DRC9: variants seen among roughly 807,000 people sequenced by gnomAD.
DRC9 encodes the protein dynein regulatory complex protein 9.
At chr3:197,927,045 C>T in the DRC9 span, among the ~76,000 whole-genome samples, 1 of 152,194 alleles carries the variant, frequency 6.6e-6, no homozygotes. Flanking sequence ...CTTTGTATGA[C>T]TGTTTCTCAA....
At chr3:197,932,168 T>C in the DRC9 span, 179 of 1,610,786 alleles carry the variant, frequency 1.1e-4, 1 homozygote, top group African/African-American at 2.1e-3. Flanking sequence ...CTAACATGAC[T>C]CTGACCTGGC....
At chr3:197,929,436 G>A in the DRC9 span, among the ~76,000 whole-genome samples, 3 of 152,046 alleles carry the variant, frequency 2.0e-5, no homozygotes, top group African/African-American at 4.8e-5. The surrounding 1 kb of genome is among the most constrained non-coding windows in gnomAD (Gnocchi z 4.6). Flanking sequence ...AAATACAAAC[G>A]GACAGCCAAA....
chr3:197,933,382 A>C, the DRC9 span, among the ~76,000 whole-genome samples: 1 of 152,080 alleles, frequency 6.6e-6, no homozygotes, highest in Non-Finnish European at 1.5e-5. Flanking sequence ...CAGAGGTTAC[A>C]GTGAGCTGAG....
At chr3:197,920,486 G>T in the DRC9 span, among the ~76,000 whole-genome samples, 2 of 151,440 alleles carry the variant, frequency 1.3e-5, no homozygotes, top group Non-Finnish European at 2.9e-5. Context: ...CAGCAGTTTG[G>T]GAGACTGAGG....
the DRC9 span, among the ~76,000 whole-genome samples, chr3:197,936,286 A>G: frequency 6.6e-6 from 1 of 152,230 alleles, no homozygotes; most frequent in Non-Finnish European, 1.5e-5. Context: ...TGAGTACAGC[A>G]AGGAAAGCAT....
the DRC9 span, among the ~76,000 whole-genome samples, chr3:197,934,582 G>A: frequency 2.6e-5 from 4 of 152,092 alleles, no homozygotes; most frequent in Non-Finnish European, 4.4e-5. Flanking sequence ...TGACTTGCCC[G>A]TGGTCACATA....
At chr3:197,934,033 A>C in the DRC9 span, among the ~76,000 whole-genome samples, 1 of 148,894 alleles carries the variant, frequency 6.7e-6, no homozygotes, top group African/African-American at 2.5e-5. Flanking sequence ...AGAGGTTTTT[A>C]GTGTTGATTT....
the DRC9 span, chr3:197,943,664 G>T: frequency 1.0e-6 from 1 of 968,718 alleles, no homozygotes; most frequent in Non-Finnish European, 1.5e-6. Context: ...AAACAAAGAA[G>T]GAAAGAGAGA....
At chr3:197,906,270 T>C in the DRC9 span, 1 of 152,186 alleles carries the variant, frequency 6.6e-6, no homozygotes, top group Non-Finnish European at 1.5e-5. Flanking sequence ...CCACACGTTT[T>C]ACTGAGACCG....
chr3:197,913,341 C>CGTGCGTGCGTGCGTGT, the DRC9 span: 1 of 187,548 alleles, frequency 5.3e-6, no homozygotes, highest in African/African-American at 3.7e-5. Flanking sequence ...TGCGTGCGTG[C>CGTGCGTGCGTGCGTGT]GTGCGTGTGT....
At chr3:197,889,540 ACCT>A in the DRC9 span, 1 of 1,613,030 alleles carries the variant, frequency 6.2e-7, no homozygotes, top group Non-Finnish European at 8.5e-7. Context: ...AGTCCTTCCC[ACCT>A]CCAGAATACC....
the DRC9 span, among the ~76,000 whole-genome samples, chr3:197,911,359 T>C: frequency 6.6e-6 from 1 of 152,174 alleles, no homozygotes; most frequent in African/African-American, 2.4e-5. Flanking sequence ...AAAAATCTCA[T>C]GACTGAGATT....
At chr3:197,949,810 G>T in the DRC9 span, 2 of 369,902 alleles carry the variant, frequency 5.4e-6, no homozygotes, top group East Asian at 7.9e-5. Context: ...CGAGAGAAAA[G>T]CACCCCACTG....
At chr3:197,942,385 CAAAAAAAAAA>C in the DRC9 span, among the ~76,000 whole-genome samples, 1,091 of 16,884 alleles carry the variant, frequency 0.065, 5 homozygotes, top group African/African-American at 0.14. Flanking sequence ...CTCCGTCTCA[CAAAAAAAAAA>C]AAAAAAAAAA....
At chr3:197,921,678 C>T in the DRC9 span, among the ~76,000 whole-genome samples, 29,014 of 117,228 alleles carry the variant, frequency 0.25, 4,524 homozygotes, top group African/African-American at 0.46. Context: ...TCATCTTGGT[C>T]GACCCGACTA....
the DRC9 span, among the ~76,000 whole-genome samples, chr3:197,915,342 G>A: frequency 6.6e-6 from 1 of 152,000 alleles, no homozygotes; most frequent in Non-Finnish European, 1.5e-5. Context: ...CTAGCCTAGT[G>A]AGGGTTGAGG....
chr3:197,934,214 C>T, the DRC9 span, among the ~76,000 whole-genome samples: 3 of 98,502 alleles, frequency 3.0e-5, no homozygotes, highest in Admixed American at 1.0e-4. Context: ...ACAAGAGTGT[C>T]GTTCTTGTTG....
chr3:197,943,100 T>G, the DRC9 span, among the ~76,000 whole-genome samples: 1 of 152,198 alleles, frequency 6.6e-6, no homozygotes, highest in African/African-American at 2.4e-5. Flanking sequence ...TCACAGAGGA[T>G]TCATCAATGA....
the DRC9 span, among the ~76,000 whole-genome samples, chr3:197,901,397 C>G: frequency 1.3e-5 from 2 of 152,220 alleles, no homozygotes; most frequent in Non-Finnish European, 2.9e-5. This position sits in a 1 kb window ranked among gnomAD's most constrained non-coding sequence, Gnocchi z 4.4. Context: ...CTCAGCCTCT[C>G]AAAGCGCTGG....
Sources: gnomAD v4.1 joint callset for allele counts (sites outside exome capture counted in the v4.1 genomes callset) on GRCh38, gnomAD v4.1.1 for gene constraint, Gnocchi (gnomAD v3.1) non-coding constraint, MANE v1.5 for transcripts, NCBI Gene and HGNC (gene_info 2026-07-23, HGNC 2026-07-21) for gene names.